The following NBAS variants were observed in gnomAD, a reference collection of about 807,000 sequenced individuals.
NBAS encodes NAG/BC035112 fusion.
Under a neutral mutation model 302.5 loss-of-function variants are expected in NBAS, and 219 were observed. The observed-to-expected ratio is 0.72, with a 90% CI of 0.65 to 0.81. NBAS has a LOEUF of 0.81. Ranked by LOEUF, NBAS falls within the 30% of genes least tolerant of loss-of-function variation. The pLI is 0.00. For synonymous variants in NBAS, 1,118 were observed against 1,021.6 expected (o/e 1.09, Z -1.80); for missense variants, 2,932 against 2,841.6 (o/e 1.03, Z -0.72).
intron 33 of NBAS, among the ~76,000 whole-genome samples, chr2:15,355,093 C>A (rs1673549445): frequency 6.6e-6 from 1 of 152,168 alleles, no homozygotes; most frequent in Admixed American, 6.5e-5. Context: ...TTGTTATTAA[C>A]AAGTGTCAGA....
intron 38 of NBAS, among the ~76,000 whole-genome samples, chr2:15,322,147 C>A (rs1018676758): frequency 6.9e-6 from 1 of 144,014 alleles, no homozygotes; most frequent in Non-Finnish European, 1.5e-5. Flanking sequence ...GACAGAAAAC[C>A]AAACACCACA....
chr2:14,965,670 T>A, the NBAS span, among the ~76,000 whole-genome samples: 1 of 152,168 alleles, frequency 6.6e-6, no homozygotes, highest in Admixed American at 6.5e-5. Context: ...TCCCAATTCA[T>A]TCTGTGAGTC....
At chr2:14,854,068 A>G in the NBAS span, among the ~76,000 whole-genome samples, 2 of 150,034 alleles carry the variant, frequency 1.3e-5, no homozygotes, top group Admixed American at 6.6e-5. Context: ...AACTTAAAGT[A>G]TAATAAAAAA....
intron 44 of NBAS, among the ~76,000 whole-genome samples, chr2:15,271,565 ACTGTATGATTAC>A (rs1204007848): frequency 6.6e-6 from 1 of 152,140 alleles, no homozygotes; most frequent in African/African-American, 2.4e-5. Flanking sequence ...GACTTTTTAA[ACTGTATGATTAC>A]CTGGGAATTT....
chr2:15,076,680 T>C, the NBAS span, among the ~76,000 whole-genome samples: 1 of 152,180 alleles, frequency 6.6e-6, no homozygotes, highest in South Asian at 2.1e-4. Flanking sequence ...GAGACCTTCC[T>C]TCAAAATGCC....
chr2:15,202,200 T>C (rs1572439424), intron 48 of NBAS, among the ~76,000 whole-genome samples: 1 of 152,134 alleles, frequency 6.6e-6, no homozygotes, highest in Non-Finnish European at 1.5e-5. Flanking sequence ...CAGAAACATA[T>C]CTAAACACAC....
intron 16 of NBAS, among the ~76,000 whole-genome samples, chr2:15,472,511 T>C (rs888815423): frequency 6.6e-6 from 1 of 152,168 alleles, no homozygotes; most frequent in East Asian, 1.9e-4. Context: ...TTGAGCCACA[T>C]GCATGCTGGT....
At chr2:15,289,994 AAAAAG>A (rs1370918018) in intron 41 of NBAS, among the ~76,000 whole-genome samples, 5 of 151,740 alleles carry the variant, frequency 3.3e-5, no homozygotes, top group Admixed American at 1.3e-4. Flanking sequence ...AGACTCCATC[AAAAAG>A]AAAAGAAAAG....
At chr2:14,952,424 T>TC in the NBAS span, among the ~76,000 whole-genome samples, 1 of 152,218 alleles carries the variant, frequency 6.6e-6, no homozygotes, top group Non-Finnish European at 1.5e-5. Context: ...AACACTTGTT[T>TC]AACACCCACT....
intron 44 of NBAS, among the ~76,000 whole-genome samples, chr2:15,272,918 A>T (rs1409429172): frequency 2.0e-5 from 3 of 152,202 alleles, no homozygotes; most frequent in Non-Finnish European, 2.9e-5. Context: ...AATGTGAATA[A>T]TTTAAAATCA....
At chr2:15,221,317 G>A (rs1196081704) in intron 47 of NBAS, among the ~76,000 whole-genome samples, 2 of 152,170 alleles carry the variant, frequency 1.3e-5, no homozygotes, top group Non-Finnish European at 2.9e-5. Flanking sequence ...TCCCAAGAGT[G>A]TGTCACCTGG....
the NBAS span, among the ~76,000 whole-genome samples, chr2:15,079,295 C>T: frequency 6.6e-6 from 1 of 152,032 alleles, no homozygotes; most frequent in African/African-American, 2.4e-5. Flanking sequence ...GGGCTTCATC[C>T]AAACAATTAA....
chr2:14,958,629 C>T, the NBAS span, among the ~76,000 whole-genome samples: 7 of 152,194 alleles, frequency 4.6e-5, no homozygotes. Flanking sequence ...ATAAATCTTC[C>T]ACCTTCAATT....
At chr2:15,023,937 T>C in the NBAS span, among the ~76,000 whole-genome samples, 1 of 152,132 alleles carries the variant, frequency 6.6e-6, no homozygotes, top group Non-Finnish European at 1.5e-5. Flanking sequence ...ATCCTCACTT[T>C]ATTTTCTGGA....
chr2:15,275,384 A>G, intron 44 of NBAS, 100 bp downstream of exon 44: 1 of 1,329,872 alleles, frequency 7.5e-7, no homozygotes. Flanking sequence ...ACATGTAATT[A>G]TTTTCAAGAA....
intron 9 of NBAS, among the ~76,000 whole-genome samples, chr2:15,526,369 TACTC>T: frequency 1.3e-5 from 2 of 152,306 alleles, no homozygotes; most frequent in Middle Eastern, 3.4e-3. Flanking sequence ...TCTTCAACAA[TACTC>T]ACAACATTAG....
intron 48 of NBAS, among the ~76,000 whole-genome samples, chr2:15,213,715 T>C (rs538264652): frequency 2.6e-5 from 4 of 152,298 alleles, no homozygotes; most frequent in Non-Finnish European, 5.9e-5. Flanking sequence ...AGCGTGCACA[T>C]AGTACACATT....
intron 51 of NBAS, among the ~76,000 whole-genome samples, chr2:15,169,134 G>C (rs1664171475): frequency 6.6e-6 from 1 of 152,134 alleles, no homozygotes; most frequent in African/African-American, 2.4e-5. Context: ...AGACTGAATA[G>C]AACTAGACTC....
At chr2:15,103,633 A>C in the NBAS span, among the ~76,000 whole-genome samples, 1,104 of 152,272 alleles carry the variant, frequency 7.3e-3, 11 homozygotes, top group Non-Finnish European at 0.011. Flanking sequence ...CTTCTCAATA[A>C]ATGTTTTTAG....
Sources: gnomAD v4.1 joint callset for allele counts (sites outside exome capture counted in the v4.1 genomes callset) on GRCh38, gnomAD v4.1.1 for gene constraint, MANE v1.5 for transcripts, NCBI Gene and HGNC (gene_info 2026-07-23, HGNC 2026-07-21) for gene names.